Variants in TCIRG1 observed in about 807,000 individuals in gnomAD.
TCIRG1 encodes the protein V-type proton ATPase 116 kDa subunit a 3.
TCIRG1 carries 86 observed loss-of-function variants against 95.5 expected under a neutral mutation model. That is an observed-to-expected ratio of 0.90 (90% CI 0.76 to 1.08). The LOEUF is 1.08. TCIRG1 is among the 50% of genes least tolerant of loss of function. The pLI, the probability that TCIRG1 is intolerant of heterozygous loss-of-function variation, is 0.00. For missense variants in TCIRG1, 1,069 were observed against 1,140.2 expected (o/e 0.94, Z 0.90); for synonymous variants, 499 against 501.3 (o/e 1.00, Z 0.06).
rs1467575474 is a variant in TCIRG1 at position 68,044,260 on chromosome 11, C to T, written c.936C>T (p.Ser312=). ...TGGCCCTGAACCAGTGCAGCGTGAG[C>T]ACCACGCACAAGTGCCTCATTGCCG... is the stretch of plus-strand genomic sequence containing the variant. The part of the protein sequence containing the change: ...VYLALNQCSV[S]TTHKCLIAEA... Residue 312 remains serine, a synonymous_variant, in exon 9 of 20, where the codon AGC becomes AGT. Coordinates refer to ENST00000265686, the MANE Select transcript of TCIRG1 (RefSeq NM_006019.4). The T allele has an allele frequency of 6.2e-7, 1 of 1,603,598 alleles. No individual in the cohort carries two copies. Among genetic ancestry groups the T allele is most frequent in the Non-Finnish European group, 8.5e-7 (1 of 1,176,648 alleles).
intron 13 of TCIRG1, 100 bp downstream of exon 13, chr11:68,048,072 A>G (rs551765506): frequency 6.7e-6 from 7 of 1,049,524 alleles, no homozygotes; most frequent in Non-Finnish European, 8.8e-6. Flanking sequence ...GTCGCTGAGC[A>G]CTCCTGTGTG....
chr11:68,043,697 C>A, intron 7 of TCIRG1, 44 bp downstream of exon 7: 1 of 1,559,816 alleles, frequency 6.4e-7, no homozygotes, highest in Non-Finnish European at 8.7e-7. Context: ...GCTCCCCAGG[C>A]CCCTGCTGTC....
intron 13 of TCIRG1, 87 bp from the exon 14 acceptor site, chr11:68,048,792 T>C (rs1192050351): frequency 1.0e-6 from 1 of 984,332 alleles, no homozygotes. Context: ...GAAAACAGGG[T>C]GGTGAGAGAG....
Position 68,045,155 on chromosome 11 carries a change from G to T in TCIRG1, c.1165+53G>T, listed in dbSNP as rs1855417412. 3 of 1,596,520 alleles carry T rather than the reference G, an allele frequency of 1.9e-6. No homozygotes were observed. The East Asian group carries it at 6.7e-5, about 36-fold the overall frequency. On this transcript the variant is annotated intron_variant, in intron 10 of 19. Coordinates refer to ENST00000265686, the MANE Select transcript of TCIRG1 (RefSeq NM_006019.4). The stretch of plus-strand genomic sequence containing the variant: ...TCCTGGGAGGCTCAGCTGCCCCACT[G>T]GGTGGGTGTGAGCCTGAGGGGGAGG...
chr11:68,047,248 T>A (rs1275614365), intron 10 of TCIRG1, among the ~76,000 whole-genome samples, 185 bp from the exon 11 acceptor site: 1 of 54,414 alleles, frequency 1.8e-5, no homozygotes, highest in Non-Finnish European at 3.3e-5. Flanking sequence ...TGACCTCGGG[T>A]GATGCCCCCC....
rs1855664625 is a variant in TCIRG1 at position 68,049,223 on chromosome 11, A to T, written c.1816A>T (p.Ile606Phe). 2 of 1,613,740 alleles carry T rather than the reference A, an allele frequency of 1.2e-6. No homozygotes were observed. The highest frequency in any genetic ancestry group is 1.7e-6 in the Non-Finnish European group (2 of 1,180,008). ...WAARAASAPSILIHFINMFLF... is the reference protein window; with the variant it reads ...WAARAASAPSFLIHFINMFLF... The stretch of plus-strand genomic sequence containing the variant: ...TGCCAGGGCCGCCTCGGCCCCCAGC[A>T]TCCTCATCCACTTCATCAACATGTT... The change falls in exon 15 of 20, where the codon ATC becomes TTC. Residue 606 changes from isoleucine to phenylalanine, a missense_variant. Coordinates refer to ENST00000265686, the MANE Select transcript of TCIRG1 (RefSeq NM_006019.4).
downstream of TCIRG1, among the ~76,000 whole-genome samples, chr11:68,051,719 G>A (rs540007937): frequency 1.1e-4 from 16 of 152,320 alleles, no homozygotes; most frequent in South Asian, 2.1e-4. Context: ...TTAGAGAAAC[G>A]GTGCTCACAG....
At chr11:68,048,014 T>C (rs1380897463) in intron 13 of TCIRG1, 42 bp downstream of exon 13, 6 of 1,566,644 alleles carry the variant, frequency 3.8e-6, no homozygotes, top group Non-Finnish European at 5.3e-6. Context: ...TGAAGGCAGC[T>C]GGGAGTGGGG....
At chr11:68,039,363 C>G (rs866808936) in intron 1 of TCIRG1, among the ~76,000 whole-genome samples, 13 of 152,174 alleles carry the variant, frequency 8.5e-5, no homozygotes, top group African/African-American at 2.9e-4. Context: ...GAGCTTTCCC[C>G]GCTGCTGCTT....
Position 68,043,892 on chromosome 11 carries a change from C to T in TCIRG1, c.792C>T (p.Ser264=), listed in dbSNP as rs1463488432. The T allele has an allele frequency of 6.4e-7, 1 of 1,554,802 alleles. No individual in the cohort carries two copies. Residue 264 remains serine (S), a synonymous_variant, in exon 8 of 20, where the codon AGC becomes AGT. Coordinates refer to ENST00000265686, the MANE Select transcript of TCIRG1 (RefSeq NM_006019.4). ...CCCTGCAGCAGCTGCAACAGCAGAG[C>T]CAGGAGCTGCAGGAGGTGGGTGCCC... ...LGALQQLQQQ[S]QELQEVLGET...
At chr11:68,043,106 G>A in intron 5 of TCIRG1, 75 bp downstream of exon 5, 1 of 1,547,180 alleles carries the variant, frequency 6.5e-7, no homozygotes, top group Admixed American at 2.0e-5. Context: ...GGGCCAGGCT[G>A]AGCTCCGACT....
At chr11:68,052,394 G>C (rs1311378831), downstream of TCIRG1, 1 of 152,340 alleles carries the variant, frequency 6.6e-6, no homozygotes, top group Non-Finnish European at 1.5e-5. Context: ...GGACCAGGCA[G>C]AGGCGAGGGC....
At chr11:68,043,202 G>A in intron 5 of TCIRG1, 169 bp from the exon 6 acceptor site, 1 of 1,485,816 alleles carries the variant, frequency 6.7e-7, no homozygotes, top group Non-Finnish European at 8.9e-7. Context: ...GCCCTAGGGG[G>A]TTCTCCTCTT....
At chr11:68,049,860 T>G (rs1793005439) in intron 16 of TCIRG1, 72 bp downstream of exon 16, 1 of 1,554,458 alleles carries the variant, frequency 6.4e-7, no homozygotes. Flanking sequence ...CCCTGACTCC[T>G]CGCTTCCTGA....
chr11:68,049,626 A>G (rs1308025646), intron 15 of TCIRG1, 37 bp from the exon 16 acceptor site: 2 of 1,592,912 alleles, frequency 1.3e-6, no homozygotes, highest in Non-Finnish European at 1.7e-6. Flanking sequence ...AGGTGTGCAC[A>G]GCAGGGACGC....
chr11:68,050,022 G>C lies in TCIRG1; in HGVS notation c.2074G>C (p.Asp692His), dbSNP rs930344541. ...CGCATCTGTGAATGGCTGGAGCTCC[G>C]ATGAGGAAAAGGCAGGGGGCCTGGA... Reference protein sequence around the residue: ...PDASVNGWSSDEEKAGGLDDE... With the variant: ...PDASVNGWSSHEEKAGGLDDE... The change falls in exon 17 of 20, where the codon GAT becomes CAT. Residue 692 changes from aspartate to histidine, a missense_variant. By Grantham distance (81) the Asp-to-His change is moderately conservative. Transcript: ENST00000265686. 6.2e-7 allele frequency: 1 copy of C among 1,613,340 alleles called. No individual in the cohort carries two copies. Among genetic ancestry groups the C allele is most frequent in the Non-Finnish European group, 8.5e-7 (1 of 1,179,940 alleles).
intron 5 of TCIRG1, 58 bp from the exon 6 acceptor site, chr11:68,043,313 T>C: frequency 6.6e-7 from 1 of 1,525,226 alleles, no homozygotes. Context: ...CCGGGGGGCC[T>C]GGTGGGGGAG....
At chr11:68,046,400 G>C (rs1342798764) in intron 10 of TCIRG1, among the ~76,000 whole-genome samples, 1 of 152,210 alleles carries the variant, frequency 6.6e-6, no homozygotes, top group Non-Finnish European at 1.5e-5. Flanking sequence ...TTCTGAGGCT[G>C]TCCAGGAAGA....
Position 68,041,810 on chromosome 11 carries a change from G to A in TCIRG1, c.175G>A (p.Glu59Lys). The change falls in exon 3 of 20, where the codon GAG becomes AAG. Residue 59 changes from glutamate (E) to lysine (K), a missense_variant. Physicochemically the swap from Glu to Lys is moderately conservative, Grantham distance 56. Coordinates refer to ENST00000265686, the MANE Select transcript of TCIRG1 (RefSeq NM_006019.4). ...CTTTGTGGTTGATGTTCGGCGCTGTGAGGAGCTGGAGAAGACCTTCAGTGA... is the reference window on the plus strand; with the variant it reads ...CTTTGTGGTTGATGTTCGGCGCTGTAAGGAGCTGGAGAAGACCTTCAGTGA... ...RRFVVDVRRC[E>K]ELEKTFTFLQ... The A allele has an allele frequency of 6.2e-7, 1 of 1,608,996 alleles. No individual in the cohort carries two copies. Among genetic ancestry groups the A allele is most frequent in the South Asian group, 1.1e-5 (1 of 89,966 alleles).
Sources: allele counts gnomAD v4.1 joint callset (sites outside exome capture counted in the v4.1 genomes callset), GRCh38; gene constraint gnomAD v4.1.1; transcripts MANE v1.5; gene names NCBI Gene and HGNC (gene_info 2026-07-23, HGNC 2026-07-21).